Variants in CLASP2 observed in about 807,000 individuals in gnomAD.
CLASP2 encodes CLIP-associating protein 2.
CLASP2 carries 47 observed loss-of-function variants against 194.4 expected under a neutral mutation model. The ratio of observed to expected loss-of-function variants is 0.24; its 90% CI spans 0.19 to 0.31. The LOEUF is 0.31. Among genes scored for constraint, CLASP2 ranks in the 10% least tolerant of loss-of-function variants. The pLI, the probability that CLASP2 is intolerant of heterozygous loss-of-function variation, is 1.00. For missense variants in CLASP2, 1,445 were observed against 1,823.6 expected (o/e 0.79, Z 3.78); for synonymous variants, 619 against 633.5 (o/e 0.98, Z 0.34).
chr3:33,610,168 T>C (rs1008345188), intron 13 of CLASP2, among the ~76,000 whole-genome samples: 37 of 152,244 alleles, frequency 2.4e-4, no homozygotes, highest in African/African-American at 7.2e-4. Flanking sequence ...TAAACAATGC[T>C]TTTCATTGTT....
At chr3:33,705,685 C>T (rs921056297) in intron 1 of CLASP2, among the ~76,000 whole-genome samples, 8 of 151,990 alleles carry the variant, frequency 5.3e-5, no homozygotes, top group African/African-American at 1.4e-4. Context: ...CCAAGATATA[C>T]AAGTAAAATT....
At chr3:33,544,209 C>G (rs1463916393) in intron 31 of CLASP2, among the ~76,000 whole-genome samples, 4 of 152,120 alleles carry the variant, frequency 2.6e-5, no homozygotes, top group Non-Finnish European at 1.5e-5. Context: ...TTCATTTACT[C>G]AGAACTTACT....
intron 12 of CLASP2, among the ~76,000 whole-genome samples, chr3:33,618,573 G>T (rs2076597102): frequency 6.6e-6 from 1 of 152,114 alleles, no homozygotes; most frequent in South Asian, 2.1e-4. Context: ...CTGGAACCCG[G>T]GCGGCAGAGG....
At chr3:33,538,712 A>G in intron 33 of CLASP2, 77 bp downstream of exon 33, 1 of 1,251,482 alleles carries the variant, frequency 8.0e-7, no homozygotes. Context: ...CAAAAATGAC[A>G]GAAAGCAAAA....
At chr3:33,540,208 G>A (rs1223453693) in intron 32 of CLASP2, among the ~76,000 whole-genome samples, 3 of 148,406 alleles carry the variant, frequency 2.0e-5, no homozygotes, top group Non-Finnish European at 3.0e-5. Flanking sequence ...GCGATTACAC[G>A]CATGAGCCAC....
At chr3:33,593,501 G>A (rs977178908) in intron 20 of CLASP2, among the ~76,000 whole-genome samples, 23 of 152,050 alleles carry the variant, frequency 1.5e-4, no homozygotes, top group African/African-American at 5.1e-4. Context: ...CAAAGAATAA[G>A]GAGATATTAC....
At chr3:33,544,926 G>C in intron 30 of CLASP2, 85 bp from the exon 31 acceptor site, 3 of 926,562 alleles carry the variant, frequency 3.2e-6, no homozygotes, top group Non-Finnish European at 4.5e-6. Context: ...CTGTTCAATA[G>C]CACGAAGCTT....
chr3:33,520,494 A>G (rs2052694924), intron 34 of CLASP2, among the ~76,000 whole-genome samples: 2 of 152,202 alleles, frequency 1.3e-5, no homozygotes, highest in Admixed American at 1.3e-4. Flanking sequence ...GGCTGTCCAC[A>G]TAGAGTGGTA....
At chr3:33,633,673 A>G (rs758378093) in intron 8 of CLASP2, among the ~76,000 whole-genome samples, 16 of 152,174 alleles carry the variant, frequency 1.1e-4, no homozygotes, top group Non-Finnish European at 1.9e-4. Context: ...AAAGATGACC[A>G]ATCAACAAGA....
chr3:33,668,256 T>A (rs2154336317), intron 6 of CLASP2, among the ~76,000 whole-genome samples: 1 of 152,312 alleles, frequency 6.6e-6, no homozygotes, highest in East Asian at 1.9e-4. Flanking sequence ...TTTGACTTAA[T>A]GTCTTTATGA....
intron 18 of CLASP2, among the ~76,000 whole-genome samples, chr3:33,597,501 C>G (rs1440354326): frequency 6.6e-6 from 1 of 152,204 alleles, no homozygotes; most frequent in Non-Finnish European, 1.5e-5. Context: ...GGACACTGAA[C>G]TCTGCTACAG....
At chr3:33,570,859 A>C in intron 25 of CLASP2, 69 bp from the exon 26 acceptor site, 1 of 1,269,030 alleles carries the variant, frequency 7.9e-7, no homozygotes, top group South Asian at 1.5e-5. Context: ...GTAACTTTAC[A>C]TATAATTTTC....
intron 6 of CLASP2, among the ~76,000 whole-genome samples, chr3:33,672,289 A>G (rs2087452014): frequency 6.6e-6 from 1 of 152,236 alleles, no homozygotes. Context: ...CGGTTCACGA[A>G]AAACCACTGT....
At chr3:33,531,744 C>G (rs961791812) in intron 34 of CLASP2, among the ~76,000 whole-genome samples, 2 of 152,200 alleles carry the variant, frequency 1.3e-5, no homozygotes, top group East Asian at 3.9e-4. Context: ...CATTGCACTC[C>G]AGCCTAGACG....
At position 33,645,466 on chromosome 3, in the gene CLASP2, CTT is replaced by C; in HGVS notation, c.716-565_716-564del. Reference sequence around the variant, plus strand: ...CACTGAGGTTTGTGCCGGCATTTTTCTTTCTCTTCCCTGCCCTAGGTGCTGTA... The same window carrying C: ...CACTGAGGTTTGTGCCGGCATTTTTCTCTCTTCCCTGCCCTAGGTGCTGTA... On this transcript the variant is annotated intron_variant, in intron 7 of 38. Coordinates refer to ENST00000682230, the MANE Select transcript of CLASP2 (RefSeq NM_001365631.1). 4.6e-6 allele frequency: 3 copies of C among 648,712 alleles called. No individual in the cohort carries two copies. The East Asian group carries it at 7.7e-5, about 17-fold the overall frequency. 40.2% of individuals were successfully genotyped at this position (648,712 alleles called of 1,614,324 possible).
At chr3:33,602,721 C>T in intron 18 of CLASP2, 1 of 681,054 alleles carries the variant, frequency 1.5e-6, no homozygotes, top group Non-Finnish European at 2.7e-6. Context: ...TACAGGCAAT[C>T]ATGGATTCAA....
intron 2 of CLASP2, among the ~76,000 whole-genome samples, chr3:33,692,831 GACTGGAATTTGGACAATGACAC>G (rs1194752682): frequency 1.3e-5 from 2 of 152,072 alleles, no homozygotes; most frequent in African/African-American, 4.8e-5. Context: ...ATCTATCACA[GACTGGAATTTGGACAATGACAC>G]ATGGAAGAAG....
rs1312298151 is a variant in CLASP2, at chr3:33,535,278, G to A, written c.3742C>T (p.Leu1248Phe). Residue 1248 changes from leucine to phenylalanine, a missense_variant, in exon 34 of 39, where the codon CTC (leucine) becomes TTC (phenylalanine). By Grantham distance (22) the Leu-to-Phe change is conservative. Transcript: ENST00000682230. ...DSISPFNKSA[L>F]KEAMFDDDAD... ...TCATCATCAAACATGGCTTCCTTGAGGGCAGACTTGTTGAAGGGACTGATG... is the reference window on the plus strand; with the variant it reads ...TCATCATCAAACATGGCTTCCTTGAAGGCAGACTTGTTGAAGGGACTGATG... 6.2e-7 allele frequency: 1 copy of A among 1,613,934 alleles called. No individual in the cohort carries two copies. Among genetic ancestry groups the A allele is most frequent in the South Asian group, 1.1e-5 (1 of 91,064 alleles).
chr3:33,504,848 T>A (rs868858222), intron 37 of CLASP2: 6 of 152,546 alleles, frequency 3.9e-5, no homozygotes, highest in African/African-American at 1.4e-4. Flanking sequence ...GAAGCTCAGG[T>A]GGTAATGCTC....
Sources: gnomAD v4.1 joint callset for allele counts (sites outside exome capture counted in the v4.1 genomes callset) on GRCh38, gnomAD v4.1.1 for gene constraint, MANE v1.5 for transcripts, NCBI Gene and HGNC (gene_info 2026-07-23, HGNC 2026-07-21) for gene names.